Variants in DOP1A observed in about 807,000 individuals in gnomAD.
The protein encoded by DOP1A is protein DOP1A.
In DOP1A, 90 loss-of-function variants were observed where a neutral mutation model predicts 267.6. The observed-to-expected ratio is 0.34, with a 90% confidence interval of 0.28 to 0.40. The LOEUF (loss-of-function observed/expected upper bound fraction) is 0.40. DOP1A is among the 10% of genes least tolerant of loss of function. The pLI is 1.00. For missense variants in DOP1A, 2,437 were observed against 2,900.4 expected (o/e 0.84, Z 3.67); for synonymous variants, 932 against 999.1 (o/e 0.93, Z 1.27).
At chr6:83,124,663 C>T in intron 12 of DOP1A, 42 bp from the exon 13 acceptor site, 1 of 1,414,614 alleles carries the variant, frequency 7.1e-7, no homozygotes, top group South Asian at 1.2e-5. Context: ...GTATTCACAT[C>T]ACTTGACAGT....
At chr6:83,131,570 G>A (rs1204261659) in intron 17 of DOP1A, among the ~76,000 whole-genome samples, 1 of 151,966 alleles carries the variant, frequency 6.6e-6, no homozygotes, top group Non-Finnish European at 1.5e-5. Flanking sequence ...TCTTATTAAG[G>A]ATAGTTTATT....
At position 83,088,245 on chromosome 6, in the gene DOP1A, CTGA is replaced by C. The variant is rs1769666036; in HGVS notation, c.-146-8481_-146-8479del. ...GGTGACAGGACATGCAGAGGAAAGG[CTGA>C]TGATCTGTTGAGCACATATCTGAAG... On this transcript the variant is annotated intron_variant, in intron 1 of 38. Transcript: ENST00000349129. 2.0e-5 allele frequency among the ~76,000 whole-genome samples: 3 copies of C among 152,112 alleles called. No homozygotes were observed. In the South Asian group the frequency reaches 6.2e-4, roughly 32 times the overall value.
At chr6:83,097,865 ATTATTTTATTTTATT>A (rs556936772) in intron 3 of DOP1A, among the ~76,000 whole-genome samples, 8 of 145,996 alleles carry the variant, frequency 5.5e-5, no homozygotes, top group African/African-American at 2.5e-5. Flanking sequence ...ATTTTATTTT[ATTATTTTATTTTATT>A]TTATTTTATT....
downstream of DOP1A, chr6:83,169,266 C>G (rs1258220855): frequency 6.2e-7 from 1 of 1,614,084 alleles, no homozygotes; most frequent in Admixed American, 1.7e-5. Flanking sequence ...TCTCCAATTC[C>G]TCCAGCCAGC....
intron 7 of DOP1A, among the ~76,000 whole-genome samples, chr6:83,113,642 A>G (rs925302013): frequency 1.3e-5 from 2 of 152,212 alleles, no homozygotes; most frequent in African/African-American, 4.8e-5. Context: ...GAAGTAGATT[A>G]TTTCATACTT....
chr6:83,156,182 G>C, intron 34 of DOP1A, 79 bp downstream of exon 34: 1 of 1,196,864 alleles, frequency 8.4e-7, no homozygotes. Flanking sequence ...TAAATACTAA[G>C]TTGGGGTAAA....
chr6:83,095,056 C>T (rs1771209679), intron 1 of DOP1A, among the ~76,000 whole-genome samples: 1 of 152,140 alleles, frequency 6.6e-6, no homozygotes, highest in African/African-American at 2.4e-5. Flanking sequence ...CCTCAGCCTC[C>T]CGAGTAACTG....
intron 37 of DOP1A, 86 bp from the exon 38 acceptor site, chr6:83,162,704 A>G (rs1303235421): frequency 5.6e-6 from 8 of 1,428,078 alleles, no homozygotes; most frequent in African/African-American, 1.4e-5. Context: ...CAGTGGGGTC[A>G]TGATCTTTCT....
chr6:83,073,081 T>A (rs1454880034), intron 1 of DOP1A: 3 of 235,154 alleles, frequency 1.3e-5, no homozygotes, highest in African/African-American at 2.3e-5. Flanking sequence ...TTCACTTTTT[T>A]TTCCTTTTTC....
intron 11 of DOP1A, 64 bp downstream of exon 11, chr6:83,122,114 G>A (rs1776461111): frequency 6.4e-7 from 1 of 1,559,394 alleles, no homozygotes; most frequent in Non-Finnish European, 8.7e-7. Flanking sequence ...ATATAAACTT[G>A]AAGTGTAATA....
In DOP1A at chr6:83,134,278, C is replaced by A; in HGVS notation, c.2861C>A (p.Ser954Tyr). 6.2e-7 allele frequency: 1 copy of A among 1,611,110 alleles called. No individual in the cohort carries two copies. The highest frequency in any genetic ancestry group is 8.5e-7 in the Non-Finnish European group (1 of 1,178,552). ...AATAAATCTTCATCTTTTGTACGTT[C>A]TTTTGACAGGTCAGTTACATTTTAT... ...HINKSSSFVR[S>Y]FDRSLFIMLD... Residue 954 changes from serine (S) to tyrosine (Y), a missense_variant, in exon 19 of 39, where the codon TCT (serine) becomes TAT (tyrosine). Around this residue, in one of 9 missense-constraint regions of DOP1A, gnomAD observed 878 missense variants for 992.9 expected, o/e 0.88. Transcript: ENST00000349129.
chr6:83,153,555 G>C lies in DOP1A; in HGVS notation c.6174G>C (p.Lys2058Asn), dbSNP rs929756650. ...ATATGGTTTTCTATAGTGATGAAAA[G>C]GAGCGGGTTATTCCTTTACTTGTAA... The part of the protein sequence containing the change: ...LLDMVFYSDE[K>N]ERVIPLLVNI... Residue 2058 changes from lysine (K) to asparagine (N), a missense_variant, in exon 31 of 39, where the codon AAG becomes AAC. By Grantham distance (94) the Lys-to-Asn change is moderately conservative. This residue lies in a region of DOP1A where 216 missense variants were observed against 283.3 expected (regional missense o/e 0.76). Transcript: ENST00000349129. The C allele has an allele frequency of 6.2e-7, 1 of 1,609,852 alleles. No homozygotes were observed. Among genetic ancestry groups the C allele is most frequent in the Non-Finnish European group, 8.5e-7 (1 of 1,178,340 alleles).
At chr6:83,162,993 TC>T in intron 38 of DOP1A, 74 bp downstream of exon 38, 1 of 1,467,554 alleles carries the variant, frequency 6.8e-7, no homozygotes, top group South Asian at 1.5e-5. Context: ...ATTAAATACT[TC>T]CTGGGAAACT....
downstream of DOP1A, chr6:83,170,593 T>G (rs1786886636): frequency 2.5e-6 from 2 of 811,100 alleles, no homozygotes; most frequent in Non-Finnish European, 2.0e-6. Context: ...ACATTAAAAC[T>G]TCTTTCTCCA....
intron 34 of DOP1A, 77 bp downstream of exon 34, chr6:83,156,180 A>G: frequency 1.7e-6 from 2 of 1,192,778 alleles, no homozygotes; most frequent in Non-Finnish European, 2.3e-6. Flanking sequence ...TCTAAATACT[A>G]AGTTGGGGTA....
intron 1 of DOP1A, among the ~76,000 whole-genome samples, chr6:83,084,400 A>G (rs1768696539): frequency 6.6e-6 from 1 of 152,214 alleles, no homozygotes; most frequent in Admixed American, 6.5e-5. Flanking sequence ...CAATAACTAA[A>G]TCACCCAACA....
intron 15 of DOP1A, among the ~76,000 whole-genome samples, chr6:83,126,127 T>C (rs1777116207): frequency 1.3e-5 from 2 of 150,974 alleles, no homozygotes; most frequent in African/African-American, 4.9e-5. Flanking sequence ...CAAGATCTAG[T>C]GTGCATTTTA....
intron 4 of DOP1A, among the ~76,000 whole-genome samples, chr6:83,101,387 T>G (rs1032418997): frequency 1.3e-5 from 2 of 152,196 alleles, no homozygotes; most frequent in African/African-American, 2.4e-5. Context: ...TGTCTTTTTG[T>G]TTTTTATTCT....
intron 17 of DOP1A, among the ~76,000 whole-genome samples, chr6:83,131,758 C>T (rs1263308794): frequency 6.6e-6 from 1 of 152,106 alleles, no homozygotes; most frequent in Non-Finnish European, 1.5e-5. Flanking sequence ...GTCTCAGCCT[C>T]CCGAGTAGCT....
Sources: gnomAD v4.1 joint callset for allele counts (sites outside exome capture counted in the v4.1 genomes callset) on GRCh38, gnomAD v4.1.1 for gene constraint, gnomAD v4.1.1 regional missense constraint, MANE v1.5 for transcripts, NCBI Gene and HGNC (gene_info 2026-07-23, HGNC 2026-07-21) for gene names.